The following KIF2A variants were observed in gnomAD, a reference collection of about 807,000 sequenced individuals.
KIF2A encodes the protein kinesin family member 2A.
A neutral mutation model predicts 100.2 loss-of-function variants in KIF2A; 22 were observed. The ratio of observed to expected loss-of-function variants is 0.22; its 90% CI spans 0.16 to 0.31. The LOEUF (loss-of-function observed/expected upper bound fraction) is 0.31. Among genes scored for constraint, KIF2A ranks in the 10% least tolerant of loss-of-function variants. KIF2A has a pLI of 1.00. For missense variants in KIF2A, 495 were observed against 898.7 expected (o/e 0.55, Z 5.74); for synonymous variants, 268 against 285.9 (o/e 0.94, Z 0.63).
intron 14 of KIF2A, among the ~76,000 whole-genome samples, chr5:62,364,682 G>T (rs570614790): frequency 6.6e-6 from 1 of 152,202 alleles, no homozygotes; most frequent in Non-Finnish European, 1.5e-5. Flanking sequence ...CCTACTGCCT[G>T]TCACTTTCAA....
In KIF2A at chr5:62,364,035, G is replaced by A. The variant is rs1361933484; in HGVS notation, c.1467+136G>A. Reference sequence around the variant, plus strand: ...AATTCAGATGCTTGTAATGTATAGTGTGATTTTATTATACCCAGATTTTTT... The same window carrying A: ...AATTCAGATGCTTGTAATGTATAGTATGATTTTATTATACCCAGATTTTTT... On this transcript the variant is annotated intron_variant, in intron 14 of 20. Transcript: ENST00000407818. The A allele has an allele frequency of 7.2e-6, 5 of 690,490 alleles. No individual in the cohort carries two copies. In the East Asian group the frequency reaches 1.4e-4, roughly 19 times the overall value. The allele number at this position is 690,490 out of a possible 1,614,324, so 42.8% of individuals were successfully genotyped here. A position where few individuals can be genotyped will look rare whatever the true frequency, so the allele number is the denominator to read the frequency against.
At chr5:62,357,331 AC>A (rs1222298523) in intron 7 of KIF2A, among the ~76,000 whole-genome samples, 9 of 151,978 alleles carry the variant, frequency 5.9e-5, no homozygotes, top group African/African-American at 2.2e-4. Flanking sequence ...TGATCTGCCC[AC>A]CTTAGCCTCC....
At chr5:62,324,049 A>C (rs186744209) in intron 1 of KIF2A, among the ~76,000 whole-genome samples, 54 of 150,808 alleles carry the variant, frequency 3.6e-4, no homozygotes, top group Non-Finnish European at 7.1e-4. Flanking sequence ...AAATAAAATA[A>C]ATAAATAAAT....
intron 19 of KIF2A, 32 bp from the exon 20 acceptor site, chr5:62,381,086 C>T (rs772733960): frequency 1.3e-6 from 2 of 1,567,070 alleles, no homozygotes; most frequent in Non-Finnish European, 1.7e-6. Context: ...CACAAAGATG[C>T]TTATTGGATT....
intron 4 of KIF2A, among the ~76,000 whole-genome samples, chr5:62,352,068 A>G (rs1747880794): frequency 6.6e-6 from 1 of 150,894 alleles, no homozygotes; most frequent in Admixed American, 6.7e-5. Context: ...GCAGGAGATC[A>G]CTTGAACCTG....
intron 1 of KIF2A, 73 bp downstream of exon 1, chr5:62,306,609 C>G (rs1410095888): frequency 7.9e-7 from 1 of 1,258,432 alleles, no homozygotes; most frequent in African/African-American, 1.6e-5. Flanking sequence ...ACGCGGGCGC[C>G]GGCCGCCTCA....
At chr5:62,354,977 A>T (rs1361147664) in intron 6 of KIF2A, among the ~76,000 whole-genome samples, 182 bp from the exon 7 acceptor site, 1 of 152,168 alleles carries the variant, frequency 6.6e-6, no homozygotes, top group African/African-American at 2.4e-5. Context: ...CAATTTTACA[A>T]ACACAAAGTG....
intron 9 of KIF2A, among the ~76,000 whole-genome samples, chr5:62,360,556 G>A (rs960706690): frequency 2.6e-5 from 4 of 152,024 alleles, no homozygotes; most frequent in Non-Finnish European, 5.9e-5. Context: ...GTGGTGGCAG[G>A]TGCCTGTAAT....
chr5:62,347,722 C>T (rs1747646057), intron 2 of KIF2A, among the ~76,000 whole-genome samples: 1 of 151,908 alleles, frequency 6.6e-6, no homozygotes, highest in Non-Finnish European at 1.5e-5. Context: ...ACCTCCTGGG[C>T]TCAAGTGACC....
In KIF2A at chr5:62,372,001, A is replaced by T. The variant is rs1741347381; in HGVS notation, c.1647-437A>T. Among the ~76,000 whole-genome samples, 4 of 152,204 alleles carry T rather than the reference A, an allele frequency of 2.6e-5. No homozygotes were observed. The South Asian group carries it at 8.3e-4, about 31-fold the overall frequency. ...GAAGTTAATTCATTACAAACAATGG[A>T]TGCCTTAAGACATTAGGACTTAATT... On this transcript the variant is annotated intron_variant, in intron 16 of 20. Transcript: ENST00000407818.
intron 1 of KIF2A, among the ~76,000 whole-genome samples, chr5:62,338,313 G>C (rs1474230787): frequency 6.6e-6 from 1 of 152,112 alleles, no homozygotes; most frequent in Non-Finnish European, 1.5e-5. Context: ...ATTCGAGTCG[G>C]AGTCTTGCTG....
intron 1 of KIF2A, among the ~76,000 whole-genome samples, chr5:62,333,353 G>A (rs994504729): frequency 1.3e-5 from 2 of 152,162 alleles, no homozygotes; most frequent in African/African-American, 4.8e-5. Flanking sequence ...GGCGGCAGTC[G>A]CTGTGGCTGG....
At chr5:62,350,475 A>G (rs1406250476) in intron 4 of KIF2A, among the ~76,000 whole-genome samples, 2 of 151,754 alleles carry the variant, frequency 1.3e-5, no homozygotes, top group African/African-American at 4.8e-5. Context: ...GAGTCTTTCC[A>G]TGTTGCCTGG....
chr5:62,306,256 C>G lies in KIF2A; in HGVS notation c.-217C>G, dbSNP rs1745257119. On this transcript the variant is annotated 5_prime_UTR_variant, in exon 1 of 21. Transcript: ENST00000407818. Reference sequence around the variant, plus strand: ...CCCGGCCCTAGCTTCACCCCGACTACCCGGCGTGCGCGTCCTCCTGCCGGC... The same window carrying G: ...CCCGGCCCTAGCTTCACCCCGACTAGCCGGCGTGCGCGTCCTCCTGCCGGC... 3.8e-6 allele frequency: 2 copies of G among 530,260 alleles called. No homozygotes were observed. Among genetic ancestry groups the G allele is most frequent in the Non-Finnish European group, 6.6e-6 (2 of 301,924 alleles). 32.8% of individuals were successfully genotyped at this position (530,260 alleles called of 1,614,324 possible). A position where few individuals can be genotyped will look rare whatever the true frequency, so the allele number is the denominator to read the frequency against.
At chr5:62,365,412 A>G (rs535803471) in intron 15 of KIF2A, 59 bp downstream of exon 15, 15 of 814,868 alleles carry the variant, frequency 1.8e-5, no homozygotes, top group South Asian at 5.1e-5. Context: ...TAACTACACA[A>G]TATTTATGGA....
chr5:62,334,150 TC>T (rs1445120932), intron 1 of KIF2A, among the ~76,000 whole-genome samples: 7 of 152,030 alleles, frequency 4.6e-5, no homozygotes, highest in Non-Finnish European at 5.9e-5. Flanking sequence ...ATTTGTACTT[TC>T]TGCCAGCACT....
At chr5:62,313,918 A>T (rs1745679031) in intron 1 of KIF2A, among the ~76,000 whole-genome samples, 1 of 151,802 alleles carries the variant, frequency 6.6e-6, no homozygotes, top group Non-Finnish European at 1.5e-5. Context: ...TAACTTCCCA[A>T]GTAGCTAGGA....
intron 1 of KIF2A, among the ~76,000 whole-genome samples, chr5:62,345,348 A>G (rs1015926594): frequency 1.1e-4 from 17 of 151,962 alleles, no homozygotes; most frequent in Admixed American, 5.2e-4. Flanking sequence ...AGATTGCTCC[A>G]CTGCACTCCA....
At chr5:62,372,891 G>A (rs747574949) in intron 17 of KIF2A, among the ~76,000 whole-genome samples, 3 of 152,036 alleles carry the variant, frequency 2.0e-5, no homozygotes, top group Non-Finnish European at 4.4e-5. Flanking sequence ...CCTTTATGCT[G>A]TATGATCTTA....
Sources: gnomAD v4.1 joint callset for allele counts (sites outside exome capture counted in the v4.1 genomes callset) on GRCh38, gnomAD v4.1.1 for gene constraint, MANE v1.5 for transcripts, NCBI Gene and HGNC (gene_info 2026-07-23, HGNC 2026-07-21) for gene names.